Variants in AIFM2 observed in about 807,000 individuals in gnomAD.
AIFM2 encodes the protein ferroptosis suppressor protein 1.
A neutral mutation model predicts 35.7 loss-of-function variants in AIFM2; 38 were observed. The observed-to-expected ratio is 1.06, with a 90% confidence interval of 0.82 to 1.39. The LOEUF (loss-of-function observed/expected upper bound fraction) is 1.39, where lower values mean the gene tolerates loss of function less well. Among genes scored for constraint, AIFM2 ranks in the 40% most tolerant of loss-of-function variants. The pLI is 0.00. For synonymous variants in AIFM2, 185 were observed against 203.5 expected (o/e 0.91, Z 0.77); for missense variants, 476 against 491.2 (o/e 0.97, Z 0.29).
chr10:70,128,917 A>G (rs1589852974), intron 1 of AIFM2, among the ~76,000 whole-genome samples: 1 of 152,214 alleles, frequency 6.6e-6, no homozygotes, highest in East Asian at 1.9e-4. Flanking sequence ...AGCATGGATC[A>G]GTGCTTCATA....
At position 70,127,218 on chromosome 10, in the gene AIFM2, A is replaced by G. The variant is rs139204878; in HGVS notation, c.-13-3121T>C. Among the ~76,000 whole-genome samples the G allele has an allele frequency of 1.8e-3, 275 of 152,370 alleles. 2 individuals are homozygous for G. Among genetic ancestry groups the G allele is most frequent in the African/African-American group, 6.2e-3 (258 of 41,592 alleles). Reference sequence around the variant, plus strand: ...GGTCTTACCCTTGGGGCTGTCAGCCAGGGATGAGGTCAAGAAAACACCCAG... The same window carrying G: ...GGTCTTACCCTTGGGGCTGTCAGCCGGGGATGAGGTCAAGAAAACACCCAG... On this transcript the variant is annotated intron_variant, in intron 1 of 8. Transcript: ENST00000307864.
chr10:70,125,299 T>C (rs2072552478), intron 1 of AIFM2, among the ~76,000 whole-genome samples: 1 of 151,962 alleles, frequency 6.6e-6, no homozygotes, highest in Non-Finnish European at 1.5e-5. Context: ...GGCTAATTTT[T>C]TAATTACTTG....
chr10:70,112,323 T>C lies in AIFM2; in HGVS notation c.*1855A>G, dbSNP rs1171577670. On this transcript the variant is annotated 3_prime_UTR_variant, in exon 9 of 9. Coordinates refer to ENST00000307864, the MANE Select transcript of AIFM2 (RefSeq NM_032797.6). Reference sequence around the variant, plus strand: ...ACATTTTCCTCAGTTTGGAAAACTGTGTCCCCACACGTAGGTCCTTCTAGA... The same window carrying C: ...ACATTTTCCTCAGTTTGGAAAACTGCGTCCCCACACGTAGGTCCTTCTAGA... 2.0e-5 allele frequency: 3 copies of C among 152,242 alleles called. No individual in the cohort carries two copies. Among genetic ancestry groups the C allele is most frequent in the Non-Finnish European group, 4.4e-5 (3 of 68,036 alleles). 9.4% of individuals were successfully genotyped at this position (152,242 alleles called of 1,614,324 possible).
intron 5 of AIFM2, chr10:70,118,227 G>A: frequency 3.4e-6 from 1 of 293,460 alleles, no homozygotes; most frequent in East Asian, 9.4e-5. Context: ...GCATCCTTGG[G>A]CACTTATAAT....
intron 3 of AIFM2, among the ~76,000 whole-genome samples, chr10:70,121,658 C>T (rs998087746): frequency 5.3e-5 from 8 of 151,518 alleles, no homozygotes; most frequent in Admixed American, 3.9e-4. Flanking sequence ...GGCATCACAT[C>T]TGTGAACAGC....
chr10:70,125,830 G>A (rs372003661), intron 1 of AIFM2, among the ~76,000 whole-genome samples: 2 of 152,248 alleles, frequency 1.3e-5, no homozygotes, highest in Admixed American at 6.5e-5. Flanking sequence ...TTTGGGGGTC[G>A]GGTCTTCCTT....
chr10:70,115,305 C>A (rs2894111), intron 7 of AIFM2, among the ~76,000 whole-genome samples, 185 bp from the exon 8 acceptor site: 82,703 of 152,154 alleles, frequency 0.54, 26,172 homozygotes, highest in Non-Finnish European at 0.71. Context: ...GTATTCCCCC[C>A]TGAAGTCTCT....
chr10:70,125,282 A>G (rs552122566), intron 1 of AIFM2, among the ~76,000 whole-genome samples: 24 of 152,102 alleles, frequency 1.6e-4, no homozygotes, highest in South Asian at 1.5e-3. Flanking sequence ...CATATGCTAC[A>G]ATGCCTGGCT....
Position 70,120,491 on chromosome 10 carries a change from A to G in AIFM2, c.507+16T>C, listed in dbSNP as rs2072487836. ...GCCAACCACTTAGAGCTCCAAGGCA[A>G]GGCAGCCTGGCTCACCTCTTTCTCA... is the stretch of plus-strand genomic sequence containing the variant. On this transcript the variant is annotated intron_variant, in intron 5 of 8. Transcript: ENST00000307864. 6.2e-7 allele frequency: 1 copy of G among 1,614,010 alleles called. No homozygotes were observed. Among genetic ancestry groups the G allele is most frequent in the Non-Finnish European group, 8.5e-7 (1 of 1,179,834 alleles).
chr10:70,114,911 C>A lies in AIFM2; in HGVS notation c.970+9G>T, dbSNP rs1226108187. 6.2e-7 allele frequency: 1 copy of A among 1,613,670 alleles called. No individual in the cohort carries two copies. Among genetic ancestry groups the A allele is most frequent in the Admixed American group, 1.7e-5 (1 of 59,972 alleles). ...ATTAAAACTGCAAAGCACATGGGGC[C>A]TCTCTTACCCGGCTTGTAGGCCTGG... On this transcript the variant is annotated intron_variant, in intron 8 of 8. Transcript: ENST00000307864.
At chr10:70,123,802 G>A (rs35922432) in intron 2 of AIFM2, 105 bp downstream of exon 2, 20,546 of 1,221,774 alleles carry the variant, frequency 0.017, 217 homozygotes, top group Non-Finnish European at 0.02. Context: ...TGGAATGCAG[G>A]CACTTGGCCC....
chr10:70,127,019 G>A (rs537463248), intron 1 of AIFM2, among the ~76,000 whole-genome samples: 114 of 152,334 alleles, frequency 7.5e-4, no homozygotes, highest in African/African-American at 2.7e-3. Context: ...CTGCCAACTG[G>A]GCCAGAAGGG....
intron 8 of AIFM2, chr10:70,114,718 C>A (rs1485859943): frequency 1.3e-5 from 8 of 627,000 alleles, no homozygotes; most frequent in Non-Finnish European, 2.2e-5. Flanking sequence ...AGGTGATCTG[C>A]CCGCCTCGGC....
intron 8 of AIFM2, 92 bp from the exon 9 acceptor site, chr10:70,114,421 C>T (rs2072410869): frequency 6.6e-7 from 1 of 1,508,682 alleles, no homozygotes; most frequent in Non-Finnish European, 9.0e-7. Context: ...GGCCTTCAGA[C>T]TCAGGGCCGG....
At chr10:70,128,587 T>C (rs2136667907) in intron 1 of AIFM2, among the ~76,000 whole-genome samples, 1 of 152,358 alleles carries the variant, frequency 6.6e-6, no homozygotes, top group Middle Eastern at 3.4e-3. Context: ...GGTCTCGAAC[T>C]CCTGACCTCA....
chr10:70,123,238 C>A (rs2072529027), intron 3 of AIFM2, among the ~76,000 whole-genome samples, 167 bp downstream of exon 3: 2 of 152,188 alleles, frequency 1.3e-5, no homozygotes, highest in Admixed American at 1.3e-4. Flanking sequence ...AGGCTGGTCT[C>A]AAACTCCTGA....
rs1485944673 is a variant in AIFM2 at position 70,113,869 on chromosome 10, G to A, written c.*309C>T. On this transcript the variant is annotated 3_prime_UTR_variant, in exon 9 of 9. Coordinates refer to ENST00000307864, the MANE Select transcript of AIFM2 (RefSeq NM_032797.6). ...GTACACACACATGCACATCCCAGAG[G>A]AGGCAGGTGCAGAGGAAGGGCTGGC... The A allele has an allele frequency of 1.2e-5, 4 of 327,276 alleles. No individual in the cohort carries two copies. Among genetic ancestry groups the A allele is most frequent in the East Asian group, 7.6e-5 (1 of 13,180 alleles). 20.3% of individuals were successfully genotyped at this position (327,276 alleles called of 1,614,324 possible).
chr10:70,116,988 A>G (rs1403711470), intron 6 of AIFM2, among the ~76,000 whole-genome samples: 2 of 152,224 alleles, frequency 1.3e-5, no homozygotes, highest in Non-Finnish European at 2.9e-5. Flanking sequence ...CCTCTGGAGA[A>G]AAGTTCCAAG....
In AIFM2 at chr10:70,117,976, A is replaced by C; in HGVS notation, c.508-56T>G. 2 of 1,285,614 alleles carry C rather than the reference A, an allele frequency of 1.6e-6. No individual in the cohort carries two copies. Among genetic ancestry groups the C allele is most frequent in the African/African-American group, 1.5e-5 (1 of 67,362 alleles). 79.6% of individuals were successfully genotyped at this position (1,285,614 alleles called of 1,614,324 possible). A position where few individuals can be genotyped will look rare whatever the true frequency, so the allele number is the denominator to read the frequency against. On this transcript the variant is annotated intron_variant, in intron 5 of 8. Coordinates refer to ENST00000307864, the MANE Select transcript of AIFM2 (RefSeq NM_032797.6). The surrounding 1 kb of genome is among the most constrained non-coding windows in gnomAD (Gnocchi z 4.7). ...AGGAGCCCCCAAGTCTTCAAACACA[A>C]TCATTGCACGAACGTCCACCTCCAC...
Sources: allele counts gnomAD v4.1 joint callset (sites outside exome capture counted in the v4.1 genomes callset), GRCh38; gene constraint gnomAD v4.1.1; non-coding constraint Gnocchi (gnomAD v3.1); transcripts MANE v1.5; gene names NCBI Gene and HGNC (gene_info 2026-07-23, HGNC 2026-07-21).